The following SCARA5 variants were observed in gnomAD, a reference collection of about 807,000 sequenced individuals.
The protein encoded by SCARA5 is scavenger receptor class A member 5.
Under a neutral mutation model 46.3 loss-of-function variants are expected in SCARA5, and 45 were observed. That is an observed-to-expected ratio of 0.97 (90% confidence interval 0.76 to 1.24). The LOEUF (loss-of-function observed/expected upper bound fraction) is 1.24. SCARA5 is among the 50% of genes most tolerant of loss of function. SCARA5 has a pLI of 0.00. For synonymous variants in SCARA5, 333 were observed against 306.5 expected, an observed-to-expected ratio of 1.09 and a Z score of -0.90; for missense variants, 680 against 689.0, an observed-to-expected ratio of 0.99 and a Z score of 0.15.
At chr8:27,906,638 G>A (rs1002324971) in intron 6 of SCARA5, among the ~76,000 whole-genome samples, 3 of 152,174 alleles carry the variant, frequency 2.0e-5, no homozygotes, top group South Asian at 2.1e-4. Flanking sequence ...GCACACATAC[G>A]TGCTTGCTCA....
intron 3 of SCARA5, among the ~76,000 whole-genome samples, chr8:27,950,445 A>C (rs1199499093): frequency 6.6e-6 from 1 of 151,928 alleles, no homozygotes; most frequent in Non-Finnish European, 1.5e-5. Flanking sequence ...GGCCAACTCT[A>C]ATCCCCACCT....
chr8:27,991,835 G>A (rs954436148), intron 1 of SCARA5, among the ~76,000 whole-genome samples: 8 of 148,478 alleles, frequency 5.4e-5, no homozygotes, highest in African/African-American at 1.8e-4. Flanking sequence ...ACATGCACAC[G>A]CACAGACATG....
Position 27,942,044 on chromosome 8 carries a change from G to A in SCARA5, c.242-19799C>T, listed in dbSNP as rs1355384543. 5.9e-5 allele frequency among the ~76,000 whole-genome samples: 9 copies of A among 151,954 alleles called. No individual in the cohort carries two copies. The East Asian group carries it at 1.7e-3, about 29-fold the overall frequency. On this transcript the variant is annotated intron_variant, in intron 3 of 8. Coordinates refer to ENST00000354914, the MANE Select transcript of SCARA5 (RefSeq NM_173833.6). ...GGGTTTTGCCATGTTGCCCAGGCTG[G>A]TCTTGAACTCCTGACCCCAGGTGAT...
At chr8:27,879,486 A>C in intron 8 of SCARA5, 83 bp downstream of exon 8, 1 of 1,365,844 alleles carries the variant, frequency 7.3e-7, no homozygotes, top group Non-Finnish European at 1.0e-6. Context: ...ATTGCAGTGG[A>C]AGGGACTCGG....
chr8:27,914,466 G>A (rs147974505), intron 4 of SCARA5, among the ~76,000 whole-genome samples: 6 of 152,304 alleles, frequency 3.9e-5, no homozygotes, highest in African/African-American at 1.2e-4. Flanking sequence ...CACTCCCTGG[G>A]CACTATCCCC....
At chr8:27,881,634 C>T (rs933930044) in intron 7 of SCARA5, among the ~76,000 whole-genome samples, 1 of 152,132 alleles carries the variant, frequency 6.6e-6, no homozygotes, top group African/African-American at 2.4e-5. Flanking sequence ...ACGCAATATA[C>T]CCAGGTAATA....
intron 8 of SCARA5, 48 bp downstream of exon 8, chr8:27,879,520 AG>A: frequency 1.3e-6 from 2 of 1,565,820 alleles, no homozygotes; most frequent in Non-Finnish European, 1.7e-6. Context: ...GCCCAGTCCT[AG>A]GATGTGCAGG....
At chr8:27,879,149 G>C (rs1291897969) in intron 8 of SCARA5, among the ~76,000 whole-genome samples, 2 of 152,102 alleles carry the variant, frequency 1.3e-5, no homozygotes, top group Non-Finnish European at 2.9e-5. Context: ...AGATGAAATG[G>C]GTAAATATTT....
chr8:27,882,152 G>A (rs553932787), intron 7 of SCARA5, among the ~76,000 whole-genome samples: 23 of 152,192 alleles, frequency 1.5e-4, no homozygotes, highest in African/African-American at 5.3e-4. Context: ...TTTCAGATTG[G>A]CATCTTTCAC....
intron 2 of SCARA5, among the ~76,000 whole-genome samples, chr8:27,983,043 A>G (rs1808648115): frequency 1.3e-5 from 2 of 152,122 alleles, no homozygotes; most frequent in Non-Finnish European, 2.9e-5. Context: ...CCATACCCCA[A>G]GGGTGTCCCC....
At chr8:27,923,663 C>A (rs1017752611) in intron 3 of SCARA5, among the ~76,000 whole-genome samples, 1 of 152,168 alleles carries the variant, frequency 6.6e-6, no homozygotes, top group Non-Finnish European at 1.5e-5. Flanking sequence ...GCAACCTCTG[C>A]CTCCCAGGTT....
intron 3 of SCARA5, among the ~76,000 whole-genome samples, chr8:27,934,816 G>A (rs1468146187): frequency 6.6e-6 from 1 of 152,246 alleles, no homozygotes; most frequent in East Asian, 1.9e-4. Flanking sequence ...TCCAAAATGG[G>A]AGAGATATTC....
At chr8:27,991,005 A>G (rs1808779172) in intron 1 of SCARA5, among the ~76,000 whole-genome samples, 1 of 152,252 alleles carries the variant, frequency 6.6e-6, no homozygotes, top group South Asian at 2.1e-4. Context: ...TAGAGCTGGA[A>G]AAGCCCTCAG....
At chr8:27,920,183 T>A (rs1807560535) in intron 4 of SCARA5, among the ~76,000 whole-genome samples, 1 of 152,146 alleles carries the variant, frequency 6.6e-6, no homozygotes, top group African/African-American at 2.4e-5. Flanking sequence ...TTTGCCATTA[T>A]AGTTAAGATT....
chr8:27,970,661 C>T (rs1039908798), intron 2 of SCARA5, among the ~76,000 whole-genome samples: 5 of 152,172 alleles, frequency 3.3e-5, no homozygotes, highest in Non-Finnish European at 7.3e-5. Context: ...CCGTGCACTG[C>T]CACTTCAATA....
At chr8:27,937,951 G>A (rs532923937) in intron 3 of SCARA5, among the ~76,000 whole-genome samples, 6 of 152,292 alleles carry the variant, frequency 3.9e-5, no homozygotes, top group South Asian at 2.1e-4. Context: ...GCTGAGGCAC[G>A]GGGTGGGGAT....
intron 3 of SCARA5, among the ~76,000 whole-genome samples, chr8:27,965,648 G>A (rs924397687): frequency 6.6e-6 from 1 of 152,232 alleles, no homozygotes; most frequent in African/African-American, 2.4e-5. Context: ...GAGACATGTT[G>A]GGTGGAAATA....
At chr8:27,907,369 T>C in intron 5 of SCARA5, 123 bp from the exon 6 acceptor site, 1 of 609,630 alleles carries the variant, frequency 1.6e-6, no homozygotes, top group Non-Finnish European at 2.8e-6. Flanking sequence ...TGTGTCTGGC[T>C]TTTTTCTGTT....
chr8:27,897,651 G>A (rs1807086540), intron 7 of SCARA5, among the ~76,000 whole-genome samples: 2 of 151,658 alleles, frequency 1.3e-5, no homozygotes, highest in Non-Finnish European at 2.9e-5. Flanking sequence ...GGCTGCCTGT[G>A]TACGCAGAGA....
Sources: allele counts gnomAD v4.1 joint callset (sites outside exome capture counted in the v4.1 genomes callset), GRCh38; gene constraint gnomAD v4.1.1; transcripts MANE v1.5; gene names NCBI Gene and HGNC (gene_info 2026-07-23, HGNC 2026-07-21).